PIK3CG: variants seen among roughly 807,000 people sequenced by gnomAD.
The protein encoded by PIK3CG is phosphatidylinositol 4,5-bisphosphate 3-kinase catalytic subunit gamma isoform.
Under a neutral mutation model 102.3 loss-of-function variants are expected in PIK3CG, and 55 were observed. The observed-to-expected ratio is 0.54, with a 90% CI of 0.43 to 0.67. PIK3CG has a LOEUF of 0.67. PIK3CG is among the 30% of genes least tolerant of loss of function. The pLI, the probability that PIK3CG is intolerant of heterozygous loss-of-function variation, is 0.00. For missense variants in PIK3CG, 1,258 were observed against 1,391.8 expected (o/e 0.90, Z 1.53); for synonymous variants, 552 against 540.0 (o/e 1.02, Z -0.31).
rs936320603 is a variant in PIK3CG at position 106,907,779 on chromosome 7, A to AAT, written c.*2403_*2404dup. On this transcript the variant is annotated 3_prime_UTR_variant, in exon 11 of 11. Coordinates refer to ENST00000496166, the MANE Select transcript of PIK3CG (RefSeq NM_001282426.2). ...AATATATATATAACATATATATGCTAATATATATATATCACACATATATAT... is the reference window on the plus strand; with the variant it reads ...AATATATATATAACATATATATGCTAATATATATATATATCACACATATATAT... Among the ~76,000 whole-genome samples the AAT allele has an allele frequency of 8.8e-5, 13 of 147,128 alleles. No homozygotes were observed. Among genetic ancestry groups the AAT allele is most frequent in the African/African-American group, 1.7e-4 (7 of 40,474 alleles).
chr7:106,885,023 A>C (rs775052405), intron 9 of PIK3CG, among the ~76,000 whole-genome samples: 9 of 152,134 alleles, frequency 5.9e-5, no homozygotes, highest in Admixed American at 1.3e-4. Context: ...CAGGAGGTGG[A>C]GCTCAGGCAG....
In PIK3CG at chr7:106,908,042, C is replaced by A. The variant is rs990791576; in HGVS notation, c.*2655C>A. ...GAATCATCCTGCTACTGGGAACTACCCACAGCTCTATCTTCAATGCCAGGT... is the reference window on the plus strand; with the variant it reads ...GAATCATCCTGCTACTGGGAACTACACACAGCTCTATCTTCAATGCCAGGT... On this transcript the variant is annotated 3_prime_UTR_variant, in exon 11 of 11. Transcript: ENST00000496166. The surrounding 1 kb of genome is among the most constrained non-coding windows in gnomAD (Gnocchi z 4.1). Among the ~76,000 whole-genome samples, 1 of 152,022 alleles carries A rather than the reference C, an allele frequency of 6.6e-6. No homozygotes were observed. The highest frequency in any genetic ancestry group is 6.6e-5 in the Admixed American group (1 of 15,242).
chr7:106,870,902 ATAAT>A (rs1284492907), intron 2 of PIK3CG, among the ~76,000 whole-genome samples: 2 of 152,232 alleles, frequency 1.3e-5, no homozygotes, highest in African/African-American at 4.8e-5. Context: ...GAATTTTAGA[ATAAT>A]TAAAGAATCT....
Position 106,868,697 on chromosome 7 carries a change from TCA to T in PIK3CG, c.1139_1140del (p.Thr380SerfsTer35). The T allele has an allele frequency of 1.2e-6, 2 of 1,614,212 alleles. No individual in the cohort carries two copies. Among genetic ancestry groups the T allele is most frequent in the South Asian group, 2.2e-5 (2 of 91,092 alleles). ...CCCGTCCTGCCTCGGAACACCGACC[TCA>T]CAGTTTTTGTAGAGGCAAACATCCA... On this transcript the variant is annotated frameshift_variant, in exon 2 of 11. Transcript: ENST00000496166. LOFTEE classifies it high-confidence loss of function. This position sits in a 1 kb window ranked among gnomAD's most constrained non-coding sequence, Gnocchi z 6.2.
rs569277615 is a variant in PIK3CG, at chr7:106,905,855, C to T, written c.*468C>T. The stretch of plus-strand genomic sequence containing the variant: ...TCATTCCTTAAATGATGCTTCCAAA[C>T]ATCTCCTTAGTGTCTGCAGGTGTTA... On this transcript the variant is annotated 3_prime_UTR_variant, in exon 11 of 11. Coordinates refer to ENST00000496166, the MANE Select transcript of PIK3CG (RefSeq NM_001282426.2). The surrounding 1 kb of genome is among the most constrained non-coding windows in gnomAD (Gnocchi z 5.6). The T allele has an allele frequency of 1.6e-4, 39 of 243,356 alleles. No homozygotes were observed. The highest frequency in any genetic ancestry group is 2.4e-3 in the Middle Eastern group (2 of 828). The allele number at this position is 243,356 out of a possible 1,614,324, so 15.1% of individuals were successfully genotyped here.
In PIK3CG at chr7:106,868,110, G is replaced by A. The variant is rs1486843376; in HGVS notation, c.549G>A (p.Pro183=). ...TCACGCGCCGTGGCTTGGTGACCCC[G>A]CGCATGGCGGAGGTGGCCAGCCGCG... The part of the protein sequence containing the change: ...LEFTRRGLVT[P]RMAEVASRDP... The change falls in exon 2 of 11, where the codon CCG becomes CCA. Residue 183 remains proline (P), a synonymous_variant. Coordinates refer to ENST00000496166, the MANE Select transcript of PIK3CG (RefSeq NM_001282426.2). The surrounding 1 kb of genome is among the most constrained non-coding windows in gnomAD (Gnocchi z 6.2). 2 of 1,612,978 alleles carry A rather than the reference G, an allele frequency of 1.2e-6. No homozygotes were observed. Among genetic ancestry groups the A allele is most frequent in the Non-Finnish European group, 1.7e-6 (2 of 1,179,470 alleles).
chr7:106,879,775 A>G lies in PIK3CG; in HGVS notation c.2538+110A>G, dbSNP rs1790879111. On this transcript the variant is annotated intron_variant, in intron 6 of 10. Transcript: ENST00000496166. This position sits in a 1 kb window ranked among gnomAD's most constrained non-coding sequence, Gnocchi z 4.9. Reference sequence around the variant, plus strand: ...TCCCACTCTCTTCTTTCAAGTGATGAATTGTGATCAAATATTACATCATAG... The same window carrying G: ...TCCCACTCTCTTCTTTCAAGTGATGGATTGTGATCAAATATTACATCATAG... 4 of 796,106 alleles carry G rather than the reference A, an allele frequency of 5.0e-6. No individual in the cohort carries two copies. In the African/African-American group the frequency reaches 5.2e-5, roughly 10 times the overall value. 49.3% of individuals were successfully genotyped at this position (796,106 alleles called of 1,614,324 possible).
intron 2 of PIK3CG, among the ~76,000 whole-genome samples, chr7:106,870,425 G>A (rs1000543821): frequency 6.6e-6 from 1 of 152,116 alleles, no homozygotes; most frequent in East Asian, 1.9e-4. Flanking sequence ...AGAAGTAAAG[G>A]AATTTGAATA....
At chr7:106,881,825 G>T (rs1051342384) in intron 6 of PIK3CG, among the ~76,000 whole-genome samples, 1 of 152,102 alleles carries the variant, frequency 6.6e-6, no homozygotes, top group Non-Finnish European at 1.5e-5. Flanking sequence ...ACTCCAGGCT[G>T]GGCGACAGAG....
intron 5 of PIK3CG, among the ~76,000 whole-genome samples, chr7:106,876,342 CTTCTGAAAATTTTCTATT>C (rs2116507945): frequency 1.3e-5 from 2 of 151,358 alleles, no homozygotes; most frequent in South Asian, 4.2e-4. Flanking sequence ...AGAGTACATT[CTTCTGAAAATTTTCTATT>C]CAAATATTTC....
Position 106,874,416 on chromosome 7 carries a change from A to G in PIK3CG, c.2288-284A>G, listed in dbSNP as rs1790650277. Among the ~76,000 whole-genome samples, 1 of 152,242 alleles carries G rather than the reference A, an allele frequency of 6.6e-6. No individual in the cohort carries two copies. The highest frequency in any genetic ancestry group is 1.5e-5 in the Non-Finnish European group (1 of 68,038). ...CATCACCCTCAGAGCATACTTCTCT[A>G]CTTGGATTGTGTTGGTGTCTATGTG... On this transcript the variant is annotated intron_variant, in intron 4 of 10. Coordinates refer to ENST00000496166, the MANE Select transcript of PIK3CG (RefSeq NM_001282426.2). The surrounding 1 kb of genome is among the most constrained non-coding windows in gnomAD (Gnocchi z 4.3).
chr7:106,868,759 A>G lies in PIK3CG; in HGVS notation c.1198A>G (p.Ser400Gly), dbSNP rs2116449257. The change falls in exon 2 of 11, where the codon AGC becomes GGC. Residue 400 changes from serine to glycine, a missense_variant. This residue lies in a region of PIK3CG where 832 missense variants were observed against 787.5 expected (regional missense o/e 1.06). Coordinates refer to ENST00000496166, the MANE Select transcript of PIK3CG (RefSeq NM_001282426.2). This position sits in a 1 kb window ranked among gnomAD's most constrained non-coding sequence, Gnocchi z 6.2. ...ACAAGTCCTTTGCCAAAGGAGAACC[A>G]GCCCCAAACCCTTCACAGAGGAGGT... ...GQQVLCQRRTSPKPFTEEVLW... is the reference protein window; with the variant it reads ...GQQVLCQRRTGPKPFTEEVLW... The G allele has an allele frequency of 6.2e-7, 1 of 1,614,248 alleles. No homozygotes were observed. Among genetic ancestry groups the G allele is most frequent in the East Asian group, 2.2e-5 (1 of 44,888 alleles).
At chr7:106,904,247 C>G (rs541043260) in intron 10 of PIK3CG, among the ~76,000 whole-genome samples, 1 of 152,040 alleles carries the variant, frequency 6.6e-6, no homozygotes, top group Non-Finnish European at 1.5e-5. Flanking sequence ...TTAGAATAAA[C>G]CTTATTTGGC....
rs2116433852 is a variant in PIK3CG, at chr7:106,868,216, T to C, written c.655T>C (p.Cys219Arg). 1 of 1,612,484 alleles carries C rather than the reference T, an allele frequency of 6.2e-7. No individual in the cohort carries two copies. The highest frequency in any genetic ancestry group is 1.1e-5 in the South Asian group (1 of 91,084). Residue 219 changes from cysteine to arginine, a missense_variant, in exon 2 of 11, where the codon TGC becomes CGC. By Grantham distance (180) the Cys-to-Arg change is radical (BLOSUM62 -3). Coordinates refer to ENST00000496166, the MANE Select transcript of PIK3CG (RefSeq NM_001282426.2). This position sits in a 1 kb window ranked among gnomAD's most constrained non-coding sequence, Gnocchi z 6.2. ...EYLWKKIANN[C>R]IFIVIHRSTT... is the part of the protein sequence containing the mutation. ...CCTGTGGAAGAAGATTGCCAACAAC[T>C]GCATCTTCATCGTCATTCACCGCAG...
rs1791083543 is a variant in PIK3CG at position 106,886,149 on chromosome 7, AT to A, written c.2889del (p.Ile963MetfsTer25). 1.2e-6 allele frequency: 2 copies of A among 1,614,022 alleles called. No homozygotes were observed. Among genetic ancestry groups the A allele is most frequent in the Non-Finnish European group, 1.7e-6 (2 of 1,179,894 alleles). On this transcript the variant is annotated frameshift_variant, in exon 10 of 11. Transcript: ENST00000496166. LOFTEE classifies it high-confidence loss of function. ...CTTCTCTTAAGGAAACCTATTTCATATTGACTTCGGGCACATTCTTGGGAAT... is the reference window on the plus strand; with the variant it reads ...CTTCTCTTAAGGAAACCTATTTCATATGACTTCGGGCACATTCTTGGGAAT... ...MITETGNLFHIDFGHILGNYK... is the reference protein window; with the variant it reads ...MITETGNLFHXDFGHILGNYK...
chr7:106,872,523 T>TGAAC lies in PIK3CG; in HGVS notation c.1996-13_1996-12insAACG. 6.2e-7 allele frequency: 1 copy of TGAAC among 1,607,706 alleles called. No homozygotes were observed. The highest frequency in any genetic ancestry group is 8.5e-7 in the Non-Finnish European group (1 of 1,174,070). On this transcript the variant is annotated splice_polypyrimidine_tract_variant and intron_variant, in intron 2 of 10. Transcript: ENST00000496166. This position sits in a 1 kb window ranked among gnomAD's most constrained non-coding sequence, Gnocchi z 5.3. ...GAGTACAGTCCTACAAATGCCAATG[T>TGAAC]GTTCTTCCTTTAGGCTGTGAAATTT...
At chr7:106,889,831 G>A (rs549319438) in intron 10 of PIK3CG, among the ~76,000 whole-genome samples, 3 of 152,244 alleles carry the variant, frequency 2.0e-5, no homozygotes, top group South Asian at 4.1e-4. Flanking sequence ...CTAGAATAGG[G>A]GAGAGTTCAG....
intron 5 of PIK3CG, among the ~76,000 whole-genome samples, chr7:106,875,874 C>T (rs1790711976): frequency 6.6e-6 from 1 of 151,232 alleles, no homozygotes; most frequent in Admixed American, 6.6e-5. Flanking sequence ...TGTTTCACAT[C>T]CTAGCAAGCA....
chr7:106,866,623 A>G (rs771787389), intron 1 of PIK3CG, among the ~76,000 whole-genome samples: 4 of 152,204 alleles, frequency 2.6e-5, no homozygotes, highest in Non-Finnish European at 5.9e-5. Context: ...ATGAATTTTA[A>G]TTAATTAATT....
Sources: gnomAD v4.1 joint callset for allele counts (sites outside exome capture counted in the v4.1 genomes callset) on GRCh38, gnomAD v4.1.1 for gene constraint, gnomAD v4.1.1 regional missense constraint, Gnocchi (gnomAD v3.1) non-coding constraint, MANE v1.5 for transcripts, NCBI Gene and HGNC (gene_info 2026-07-23, HGNC 2026-07-21) for gene names.